The following NAALADL2 variants were observed in gnomAD, a reference collection of about 807,000 sequenced individuals.
NAALADL2 encodes N-acetylated alpha-linked acidic dipeptidase like 2.
In NAALADL2, 76 loss-of-function variants were observed where a neutral mutation model predicts 87.2. The observed-to-expected ratio is 0.87, with a 90% confidence interval of 0.72 to 1.05. The LOEUF (loss-of-function observed/expected upper bound fraction) is 1.05, where lower values mean the gene tolerates loss of function less well. Ranked by LOEUF, NAALADL2 falls within the 50% of genes least tolerant of loss-of-function variation. The pLI is 0.00. For missense variants in NAALADL2, 1,089 were observed against 945.8 expected (o/e 1.15, Z -1.99); for synonymous variants, 354 against 331.0 (o/e 1.07, Z -0.75).
chr3:174,821,829 C>A (rs950493918), intron 3 of NAALADL2, among the ~76,000 whole-genome samples: 3 of 152,120 alleles, frequency 2.0e-5, no homozygotes, highest in African/African-American at 7.2e-5. Flanking sequence ...TGAGAATTAT[C>A]ACTAGCTTTA....
intron 5 of NAALADL2, among the ~76,000 whole-genome samples, chr3:175,437,304 C>A (rs1209715367): frequency 1.4e-5 from 2 of 145,562 alleles, no homozygotes; most frequent in East Asian, 2.0e-4. Flanking sequence ...TATACACCAA[C>A]AACAGACAAA....
intron 2 of NAALADL2, among the ~76,000 whole-genome samples, chr3:175,106,801 A>G (rs1723236873): frequency 6.6e-6 from 1 of 152,126 alleles, no homozygotes; most frequent in African/African-American, 2.4e-5. Flanking sequence ...TTTAGAAATT[A>G]AGCAAGATAT....
intron 11 of NAALADL2, among the ~76,000 whole-genome samples, chr3:175,701,090 A>T (rs190516810): frequency 6.6e-6 from 1 of 152,158 alleles, no homozygotes; most frequent in African/African-American, 2.4e-5. Flanking sequence ...CATCACTTGC[A>T]TTTGGCAGAA....
chr3:175,459,931 C>G (rs903711777), intron 6 of NAALADL2: 2 of 307,836 alleles, frequency 6.5e-6, no homozygotes, highest in Non-Finnish European at 1.3e-5. Context: ...TACAGCATAT[C>G]CATGTTTCTA....
intron 5 of NAALADL2, among the ~76,000 whole-genome samples, chr3:175,372,120 G>T (rs1408497206): frequency 6.6e-6 from 1 of 152,084 alleles, no homozygotes; most frequent in East Asian, 1.9e-4. Flanking sequence ...CTGCTTCCTA[G>T]GCAGACCTCA....
intron 3 of NAALADL2, among the ~76,000 whole-genome samples, chr3:174,784,714 C>T (rs1156272420): frequency 6.6e-6 from 1 of 152,114 alleles, no homozygotes; most frequent in Non-Finnish European, 1.5e-5. Flanking sequence ...TCCGTTGGAC[C>T]AAATGTGAGT....
chr3:174,929,690 A>G (rs186840206), intron 1 of NAALADL2, among the ~76,000 whole-genome samples: 1 of 152,150 alleles, frequency 6.6e-6, no homozygotes, highest in South Asian at 2.1e-4. Context: ...CCGTTGGACT[A>G]TGTATAGGAG....
At chr3:175,447,002 A>T (rs1052439306) in intron 5 of NAALADL2, among the ~76,000 whole-genome samples, 1 of 152,176 alleles carries the variant, frequency 6.6e-6, no homozygotes, top group African/African-American at 2.4e-5. Context: ...GCATATGTGC[A>T]ATCTGCCATC....
At chr3:174,884,770 A>G (rs1729857640) in intron 1 of NAALADL2, among the ~76,000 whole-genome samples, 2 of 152,116 alleles carry the variant, frequency 1.3e-5, no homozygotes, top group South Asian at 4.1e-4. Flanking sequence ...TTCTGTTTAT[A>G]TGAATTAGAA....
chr3:174,521,263 T>C (rs541916276), intron 1 of NAALADL2, among the ~76,000 whole-genome samples: 1 of 152,234 alleles, frequency 6.6e-6, no homozygotes, highest in Non-Finnish European at 1.5e-5. Context: ...TAAGTGTCCA[T>C]CAACAGTTGC....
intron 1 of NAALADL2, 86 bp from the exon 2 acceptor site, chr3:175,096,704 A>G (rs1319477903): frequency 2.5e-6 from 2 of 803,536 alleles, no homozygotes; most frequent in East Asian, 2.8e-5. Flanking sequence ...TAAACACTCA[A>G]TATGGCTTAC....
At chr3:175,198,889 G>A (rs1003362872) in intron 2 of NAALADL2, among the ~76,000 whole-genome samples, 1 of 151,598 alleles carries the variant, frequency 6.6e-6, no homozygotes, top group East Asian at 1.9e-4. Context: ...GTATCCAGGT[G>A]CATACCTTAG....
chr3:175,070,769 A>G (rs1333334971), intron 1 of NAALADL2, among the ~76,000 whole-genome samples: 2 of 152,114 alleles, frequency 1.3e-5, no homozygotes, highest in African/African-American at 4.8e-5. Flanking sequence ...TTAGTACCAT[A>G]TTAAAGTAAA....
chr3:175,308,065 A>T (rs1295497553), intron 4 of NAALADL2, among the ~76,000 whole-genome samples: 1 of 152,228 alleles, frequency 6.6e-6, no homozygotes, highest in Non-Finnish European at 1.5e-5. Flanking sequence ...TTTTGCTTAA[A>T]TATTATTGTT....
intron 5 of NAALADL2, among the ~76,000 whole-genome samples, chr3:175,400,253 GAC>G (rs1770396217): frequency 6.6e-6 from 1 of 152,076 alleles, no homozygotes; most frequent in Non-Finnish European, 1.5e-5. Context: ...AAGTCACAGA[GAC>G]AATGATTTTT....
At chr3:174,834,047 A>G (rs1723045366) in intron 3 of NAALADL2, among the ~76,000 whole-genome samples, 1 of 150,310 alleles carries the variant, frequency 6.7e-6, no homozygotes, top group South Asian at 2.1e-4. Context: ...ACATTCTAGC[A>G]TTGTAATAAA....
At position 175,292,899 on chromosome 3, in the gene NAALADL2, T is replaced by A. The variant is rs1755823613; in HGVS notation, c.940-31276T>A. Among the ~76,000 whole-genome samples, 3 of 151,560 alleles carry A rather than the reference T, an allele frequency of 2.0e-5. No homozygotes were observed. In the South Asian group the frequency reaches 6.3e-4, roughly 32 times the overall value. The stretch of plus-strand genomic sequence containing the variant: ...AAAAATACAAAAAATAAGCCGGGCT[T>A]GGTGGCAGGTGCCTGTAGTCCCAGC... On this transcript the variant is annotated intron_variant, in intron 4 of 13. Coordinates refer to ENST00000454872, the MANE Select transcript of NAALADL2 (RefSeq NM_207015.3).
At chr3:175,726,513 A>T (rs1742943903) in intron 11 of NAALADL2, among the ~76,000 whole-genome samples, 1 of 152,110 alleles carries the variant, frequency 6.6e-6, no homozygotes, top group African/African-American at 2.4e-5. Context: ...GAAGATCCTG[A>T]GGTACCTATT....
chr3:174,557,740 G>A (rs1713025214), intron 2 of NAALADL2, among the ~76,000 whole-genome samples: 1 of 151,998 alleles, frequency 6.6e-6, no homozygotes, highest in Non-Finnish European at 1.5e-5. Context: ...TTGTCAGGAG[G>A]GCCCCAATAA....
Sources: gnomAD v4.1 joint callset for allele counts (sites outside exome capture counted in the v4.1 genomes callset) on GRCh38, gnomAD v4.1.1 for gene constraint, MANE v1.5 for transcripts, NCBI Gene and HGNC (gene_info 2026-07-23, HGNC 2026-07-21) for gene names.